The following GRIK2 variants were observed in gnomAD, a reference collection of about 807,000 sequenced individuals.
GRIK2 encodes the protein glutamate ionotropic receptor kainate type subunit 2.
In GRIK2, 32 loss-of-function variants were observed where a neutral mutation model predicts 100.3. The observed-to-expected ratio is 0.32, with a 90% CI of 0.24 to 0.43. The LOEUF (loss-of-function observed/expected upper bound fraction) is 0.43. Among genes scored for constraint, GRIK2 ranks in the 20% least tolerant of loss-of-function variants. GRIK2 has a pLI of 1.00. For missense variants in GRIK2, 843 were observed against 1,114.9 expected (o/e 0.76, Z 3.47); for synonymous variants, 417 against 389.4 (o/e 1.07, Z -0.83).
chr6:101,790,643 A>T (rs1398052225), intron 7 of GRIK2, among the ~76,000 whole-genome samples: 1 of 147,640 alleles, frequency 6.8e-6, no homozygotes, highest in Admixed American at 6.8e-5. Flanking sequence ...ATCAATGTTC[A>T]TCAAGGATAT....
At chr6:101,504,429 T>C (rs1317482313) in intron 2 of GRIK2, among the ~76,000 whole-genome samples, 2 of 151,970 alleles carry the variant, frequency 1.3e-5, no homozygotes, top group Admixed American at 6.6e-5. Flanking sequence ...CACCATAGGA[T>C]TTTTTGGTAA....
chr6:101,824,462 C>A (rs1429443082), intron 10 of GRIK2, among the ~76,000 whole-genome samples: 1 of 152,120 alleles, frequency 6.6e-6, no homozygotes, highest in African/African-American at 2.4e-5. Flanking sequence ...GAAATGCCTA[C>A]TTTTTCCTCT....
rs147211762 is a variant in GRIK2, at chr6:101,451,929, A to G, written c.115+52537A>G. On this transcript the variant is annotated intron_variant, in intron 2 of 16. Transcript: ENST00000369134. ...TATATTCACACCTATTCGAGGGTAA[A>G]ACAGTATTCACTAGTACTAAAACTA... 3.9e-3 allele frequency among the ~76,000 whole-genome samples: 586 copies of G among 151,834 alleles called. 3 individuals carry two copies. Among genetic ancestry groups the G allele is most frequent in the African/African-American group, 0.013 (559 of 41,478 alleles).
At chr6:101,412,634 A>C (rs930634658) in intron 2 of GRIK2, among the ~76,000 whole-genome samples, 1 of 152,028 alleles carries the variant, frequency 6.6e-6, no homozygotes, top group African/African-American at 2.4e-5. Flanking sequence ...CAATTCTTTT[A>C]ATAATAAATT....
chr6:101,677,294 A>C (rs1023445790), intron 5 of GRIK2, among the ~76,000 whole-genome samples: 1 of 152,162 alleles, frequency 6.6e-6, no homozygotes, highest in African/African-American at 2.4e-5. Flanking sequence ...ACTGAGTCCC[A>C]AAATGAACAA....
intron 7 of GRIK2, among the ~76,000 whole-genome samples, chr6:101,719,238 A>G (rs1774299937): frequency 1.4e-5 from 2 of 144,554 alleles, no homozygotes; most frequent in African/African-American, 2.6e-5. Flanking sequence ...CCTGAATCAA[A>G]TAGCAGCTGT....
chr6:101,580,973 T>C (rs1036117707), intron 2 of GRIK2, among the ~76,000 whole-genome samples: 1 of 152,002 alleles, frequency 6.6e-6, no homozygotes, highest in African/African-American at 2.4e-5. Context: ...TTTTTCTCCA[T>C]AACAATAATT....
At chr6:101,478,517 T>TC (rs1772368988) in intron 2 of GRIK2, among the ~76,000 whole-genome samples, 1 of 149,372 alleles carries the variant, frequency 6.7e-6, no homozygotes. Context: ...TTTTTTTTTT[T>TC]TTTTTTTTTT....
At chr6:101,922,521 G>A (rs1183487918) in intron 12 of GRIK2, among the ~76,000 whole-genome samples, 4 of 152,140 alleles carry the variant, frequency 2.6e-5, no homozygotes, top group African/African-American at 9.7e-5. Context: ...AATTAAAATT[G>A]GAGGTTGAAT....
chr6:101,850,645 C>T (rs1403891049), intron 10 of GRIK2, among the ~76,000 whole-genome samples: 1 of 151,970 alleles, frequency 6.6e-6, no homozygotes, highest in Non-Finnish European at 1.5e-5. Context: ...ATTTTGGATT[C>T]ATTCTGTGCC....
chr6:101,754,172 T>C (rs1490632201), intron 7 of GRIK2, among the ~76,000 whole-genome samples: 1 of 152,144 alleles, frequency 6.6e-6, no homozygotes, highest in African/African-American at 2.4e-5. Flanking sequence ...ATTTATCTTC[T>C]TTTATTATGT....
At chr6:101,436,134 C>T (rs1470249375) in intron 2 of GRIK2, among the ~76,000 whole-genome samples, 3 of 152,066 alleles carry the variant, frequency 2.0e-5, no homozygotes. Flanking sequence ...ATTCAGAGTA[C>T]AGTTTTTCAG....
At chr6:101,919,556 G>A (rs927380534) in intron 12 of GRIK2, among the ~76,000 whole-genome samples, 2 of 151,758 alleles carry the variant, frequency 1.3e-5, no homozygotes, top group Non-Finnish European at 3.0e-5. Context: ...TACAGAGATG[G>A]ATGGAAATCC....
chr6:101,787,271 T>C (rs1562384896), intron 7 of GRIK2, among the ~76,000 whole-genome samples: 1 of 151,946 alleles, frequency 6.6e-6, no homozygotes, highest in African/African-American at 2.4e-5. Flanking sequence ...ATTTCAATAA[T>C]CCTTTGTATT....
chr6:102,044,537 C>G (rs953109807), intron 15 of GRIK2, among the ~76,000 whole-genome samples: 1 of 151,856 alleles, frequency 6.6e-6, no homozygotes, highest in Non-Finnish European at 1.5e-5. Flanking sequence ...AATGCAAAAG[C>G]AGAAACTCTT....
chr6:101,655,561 C>T (rs1782016260), intron 4 of GRIK2, among the ~76,000 whole-genome samples: 1 of 152,164 alleles, frequency 6.6e-6, no homozygotes, highest in African/African-American at 2.4e-5. Flanking sequence ...ACCACTTCCT[C>T]GTAGTAAGTT....
chr6:101,417,714 T>C (rs1776220361), intron 2 of GRIK2, among the ~76,000 whole-genome samples: 1 of 152,184 alleles, frequency 6.6e-6, no homozygotes, highest in Admixed American at 6.5e-5. Flanking sequence ...AACCAGTTGC[T>C]AATAACCTAC....
intron 7 of GRIK2, among the ~76,000 whole-genome samples, chr6:101,784,711 G>C (rs1779314894): frequency 6.6e-6 from 1 of 152,050 alleles, no homozygotes; most frequent in Non-Finnish European, 1.5e-5. Context: ...TTTTATAAGT[G>C]GCAGTTTTCC....
intron 7 of GRIK2, 145 bp downstream of exon 7, chr6:101,686,498 C>A (rs1414002387): frequency 1.7e-6 from 1 of 580,212 alleles, no homozygotes; most frequent in South Asian, 2.7e-5. Context: ...AATGCAAATA[C>A]TTGTATTAAC....
Sources: gnomAD v4.1 joint callset for allele counts (sites outside exome capture counted in the v4.1 genomes callset) on GRCh38, gnomAD v4.1.1 for gene constraint, MANE v1.5 for transcripts, NCBI Gene and HGNC (gene_info 2026-07-23, HGNC 2026-07-21) for gene names.